SHISA9: variants seen among roughly 807,000 people sequenced by gnomAD.
The protein encoded by SHISA9 is protein shisa-9.
A neutral mutation model predicts 38.0 loss-of-function variants in SHISA9; 13 were observed. That is an observed-to-expected ratio of 0.34 (90% CI 0.22 to 0.54). The LOEUF is 0.54. Ranked by LOEUF, SHISA9 falls within the 20% of genes least tolerant of loss-of-function variation. SHISA9 has a pLI of 0.91. For missense variants in SHISA9, 538 were observed against 575.8 expected, an observed-to-expected ratio of 0.93 and a Z score of 0.67; for synonymous variants, 275 against 242.0, an observed-to-expected ratio of 1.14 and a Z score of -1.27.
chr16:13,435,800 TG>T, the SHISA9 span, among the ~76,000 whole-genome samples: 3 of 152,234 alleles, frequency 2.0e-5, no homozygotes, highest in South Asian at 6.2e-4. Context: ...ACATAGGGCT[TG>T]GGGGTACTTC....
At chr16:13,213,100 G>A (rs1368820937) in intron 3 of SHISA9, among the ~76,000 whole-genome samples, 153 bp from the exon 4 acceptor site, 2 of 152,142 alleles carry the variant, frequency 1.3e-5, no homozygotes, top group Non-Finnish European at 2.9e-5. Context: ...ATTTTCACAC[G>A]TGGCTCCCTT....
At chr16:13,542,158 G>T in the SHISA9 span, among the ~76,000 whole-genome samples, 1 of 152,238 alleles carries the variant, frequency 6.6e-6, no homozygotes, top group Non-Finnish European at 1.5e-5. Context: ...GAGAAGGCAA[G>T]AATTCTGCCC....
At chr16:13,193,425 C>T (rs1424919021) in intron 2 of SHISA9, among the ~76,000 whole-genome samples, 1 of 152,174 alleles carries the variant, frequency 6.6e-6, no homozygotes, top group African/African-American at 2.4e-5. Flanking sequence ...AATCTCAGCT[C>T]ACTGTGACCT....
the SHISA9 span, among the ~76,000 whole-genome samples, chr16:13,520,674 A>G: frequency 6.6e-6 from 1 of 151,344 alleles, no homozygotes; most frequent in East Asian, 2.0e-4. Flanking sequence ...TCACAAAGAC[A>G]AAATTCTTCA....
chr16:13,058,967 C>T (rs1220368881), intron 2 of SHISA9, among the ~76,000 whole-genome samples: 3 of 152,002 alleles, frequency 2.0e-5, no homozygotes, highest in African/African-American at 7.2e-5. Flanking sequence ...AAGGTGTTTC[C>T]ATATGCATTT....
At chr16:13,525,648 GA>G in the SHISA9 span, among the ~76,000 whole-genome samples, 3 of 151,976 alleles carry the variant, frequency 2.0e-5, no homozygotes, top group East Asian at 3.9e-4. Context: ...AAATAAGTGG[GA>G]AAAAAATCTT....
the SHISA9 span, among the ~76,000 whole-genome samples, chr16:13,285,844 A>T: frequency 6.6e-6 from 1 of 152,066 alleles, no homozygotes; most frequent in Admixed American, 6.6e-5. Flanking sequence ...CCATCAGAGG[A>T]TACTGGTGGT....
At chr16:12,942,174 G>A (rs1360111927) in intron 2 of SHISA9, among the ~76,000 whole-genome samples, 2 of 152,208 alleles carry the variant, frequency 1.3e-5, no homozygotes. Context: ...ACATCTGCAG[G>A]CACCTCTGTG....
the SHISA9 span, among the ~76,000 whole-genome samples, chr16:13,553,997 C>G: frequency 2.6e-5 from 4 of 152,092 alleles, no homozygotes; most frequent in African/African-American, 7.2e-5. Context: ...ACCAGGTCCT[C>G]TAAAATAGCA....
the SHISA9 span, among the ~76,000 whole-genome samples, chr16:13,321,114 G>T: frequency 2.0e-5 from 3 of 152,136 alleles, no homozygotes; most frequent in Non-Finnish European, 4.4e-5. Flanking sequence ...TTACTACATT[G>T]GACGGCACAT....
At chr16:13,202,847 T>C (rs772351521) in intron 2 of SHISA9, among the ~76,000 whole-genome samples, 1 of 152,236 alleles carries the variant, frequency 6.6e-6, no homozygotes, top group Non-Finnish European at 1.5e-5. Flanking sequence ...AAAGTGGTAT[T>C]GTTCAGTCAA....
the SHISA9 span, among the ~76,000 whole-genome samples, chr16:13,523,880 T>C: frequency 8.3e-3 from 1,262 of 152,340 alleles, 14 homozygotes; most frequent in African/African-American, 0.027. Flanking sequence ...CCATGGCTCT[T>C]GGACTGTTTT....
chr16:13,146,967 T>C (rs1291303374), intron 2 of SHISA9, among the ~76,000 whole-genome samples: 2 of 152,252 alleles, frequency 1.3e-5, no homozygotes, highest in African/African-American at 4.8e-5. Flanking sequence ...AGAGCCTAAA[T>C]GATCCACTGG....
At chr16:13,066,162 G>A (rs558375984) in intron 2 of SHISA9, among the ~76,000 whole-genome samples, 2 of 152,298 alleles carry the variant, frequency 1.3e-5, no homozygotes, top group South Asian at 2.1e-4. Context: ...CACTGAGATG[G>A]AAGATGCATG....
intron 2 of SHISA9, among the ~76,000 whole-genome samples, chr16:13,000,652 T>C (rs185890945): frequency 6.6e-6 from 1 of 152,192 alleles, no homozygotes; most frequent in Admixed American, 6.5e-5. Flanking sequence ...AGGAGCCTGA[T>C]GGGGCACTGA....
intron 2 of SHISA9, among the ~76,000 whole-genome samples, chr16:13,136,606 G>A (rs539597630): frequency 2.0e-5 from 3 of 151,988 alleles, no homozygotes; most frequent in East Asian, 3.9e-4. Flanking sequence ...CACTATGTTG[G>A]CTGGGCTGGT....
intron 2 of SHISA9, among the ~76,000 whole-genome samples, chr16:13,188,716 C>CAAAAAAA (rs35558481): frequency 1.3e-5 from 1 of 79,344 alleles, no homozygotes; most frequent in Non-Finnish European, 2.2e-5. Flanking sequence ...GACCCTGTTT[C>CAAAAAAA]AAAAAAAAAA....
the SHISA9 span, among the ~76,000 whole-genome samples, chr16:13,462,157 G>A: frequency 1.2e-4 from 18 of 151,834 alleles, no homozygotes; most frequent in Non-Finnish European, 2.4e-4. Context: ...TGTAGTCCCA[G>A]CTACTCAAGA....
intron 2 of SHISA9, among the ~76,000 whole-genome samples, chr16:12,996,296 GA>G (rs912192312): frequency 3.3e-5 from 5 of 151,900 alleles, no homozygotes; most frequent in Admixed American, 2.6e-4. Context: ...TTCTCTTGAA[GA>G]AAAAAAATGT....
Sources: allele counts gnomAD v4.1 joint callset (sites outside exome capture counted in the v4.1 genomes callset), GRCh38; gene constraint gnomAD v4.1.1; transcripts MANE v1.5; gene names NCBI Gene and HGNC (gene_info 2026-07-23, HGNC 2026-07-21).